The following PTPRG variants were observed in gnomAD, a reference collection of about 807,000 sequenced individuals.
PTPRG encodes the protein receptor-type tyrosine-protein phosphatase gamma.
Under a neutral mutation model 165.3 loss-of-function variants are expected in PTPRG, and 102 were observed. The ratio of observed to expected loss-of-function variants is 0.62; its 90% confidence interval spans 0.53 to 0.73. PTPRG has a LOEUF of 0.73. Ranked by LOEUF, PTPRG falls within the 30% of genes least tolerant of loss-of-function variation. The pLI is 0.00. For missense variants in PTPRG, 1,866 were observed against 1,861.4 expected (o/e 1.00, Z -0.05); for synonymous variants, 675 against 669.5 (o/e 1.01, Z -0.13).
At chr3:62,069,386 G>A (rs1193553164) in intron 4 of PTPRG, among the ~76,000 whole-genome samples, 1 of 152,058 alleles carries the variant, frequency 6.6e-6, no homozygotes, top group African/African-American at 2.4e-5. Context: ...ATATTTTTCT[G>A]TAAGCTGTAA....
At chr3:62,140,807 A>G (rs1411209503) in intron 6 of PTPRG, among the ~76,000 whole-genome samples, 2 of 146,122 alleles carry the variant, frequency 1.4e-5, no homozygotes, top group Non-Finnish European at 3.0e-5. Context: ...AGATTAAGCC[A>G]CTGCACTCCA....
chr3:61,795,693 T>C (rs993608378), intron 2 of PTPRG, among the ~76,000 whole-genome samples: 4 of 138,666 alleles, frequency 2.9e-5, no homozygotes, highest in East Asian at 2.1e-4. Flanking sequence ...ACCTTCACAG[T>C]GTTGAGAGAT....
intron 1 of PTPRG, among the ~76,000 whole-genome samples, chr3:61,583,599 C>T (rs1431624838): frequency 6.6e-6 from 1 of 152,142 alleles, no homozygotes; most frequent in Non-Finnish European, 1.5e-5. Context: ...GTATTGATCT[C>T]CTCTCCTCTC....
chr3:62,002,012 A>G (rs2041182446), intron 3 of PTPRG, among the ~76,000 whole-genome samples: 1 of 152,202 alleles, frequency 6.6e-6, no homozygotes, highest in African/African-American at 2.4e-5. Flanking sequence ...GGCACAAGAA[A>G]CACTTACTTT....
At chr3:61,702,150 T>A (rs2031001443) in intron 1 of PTPRG, among the ~76,000 whole-genome samples, 1 of 151,786 alleles carries the variant, frequency 6.6e-6, no homozygotes, top group Non-Finnish European at 1.5e-5. Context: ...GGATAATGTT[T>A]GTATTTTTAG....
chr3:61,616,420 T>G (rs1407202007), intron 1 of PTPRG, among the ~76,000 whole-genome samples: 1 of 152,182 alleles, frequency 6.6e-6, no homozygotes, highest in Admixed American at 6.5e-5. Context: ...CATGCTTTAT[T>G]TTAGTTTTCT....
intron 2 of PTPRG, among the ~76,000 whole-genome samples, chr3:61,855,066 C>T (rs1162550428): frequency 1.3e-5 from 2 of 152,124 alleles, no homozygotes; most frequent in Non-Finnish European, 2.9e-5. Context: ...AAGGTGAACG[C>T]AGTTACTGAG....
chr3:61,691,995 A>G (rs757005325), intron 1 of PTPRG, among the ~76,000 whole-genome samples: 2 of 152,254 alleles, frequency 1.3e-5, no homozygotes, highest in African/African-American at 4.8e-5. Flanking sequence ...TAAGGCAAGT[A>G]GAATGAAGAA....
chr3:61,865,380 G>A (rs2037377552), intron 2 of PTPRG, among the ~76,000 whole-genome samples: 1 of 152,156 alleles, frequency 6.6e-6, no homozygotes, highest in Non-Finnish European at 1.5e-5. Context: ...GGAATGTGTT[G>A]TTATTTTTTA....
intron 1 of PTPRG, among the ~76,000 whole-genome samples, chr3:61,660,696 G>C (rs905624288): frequency 6.6e-6 from 1 of 152,082 alleles, no homozygotes; most frequent in Non-Finnish European, 1.5e-5. Flanking sequence ...CAATGATAAT[G>C]ATGATTGGAT....
intron 2 of PTPRG, among the ~76,000 whole-genome samples, chr3:61,971,782 T>C (rs1008271311): frequency 6.6e-6 from 1 of 152,250 alleles, no homozygotes. Flanking sequence ...AATTGTACAA[T>C]TAAACTGGTT....
chr3:62,087,744 G>A (rs533013876), intron 5 of PTPRG, among the ~76,000 whole-genome samples: 1 of 152,186 alleles, frequency 6.6e-6, no homozygotes. Flanking sequence ...GTTGAAGAGG[G>A]TAGAGGGAGA....
chr3:62,249,380 AG>A (rs1310708443), intron 15 of PTPRG, among the ~76,000 whole-genome samples: 1 of 152,120 alleles, frequency 6.6e-6, no homozygotes, highest in African/African-American at 2.4e-5. Flanking sequence ...ACCTGCTAAC[AG>A]GCCAGTTGTT....
intron 1 of PTPRG, among the ~76,000 whole-genome samples, chr3:61,698,940 G>T (rs1341872805): frequency 2.0e-5 from 3 of 151,992 alleles, no homozygotes; most frequent in Non-Finnish European, 4.4e-5. Flanking sequence ...AACACTGCAT[G>T]CTCTCACTCA....
In PTPRG at chr3:61,829,457, C is replaced by G. The variant is rs879781763; in HGVS notation, c.190+80475C>G. Among the ~76,000 whole-genome samples the G allele has an allele frequency of 2.6e-5, 4 of 152,210 alleles. No individual in the cohort carries two copies. In the South Asian group the frequency reaches 6.2e-4, roughly 24 times the overall value. The stretch of plus-strand genomic sequence containing the variant: ...GCCATTTATCATGCCTCACTTAGCC[C>G]GATCACTGCCTTAAACGACACCACC... On this transcript the variant is annotated intron_variant, in intron 2 of 29. Coordinates refer to ENST00000474889, the MANE Select transcript of PTPRG (RefSeq NM_002841.4).
intron 4 of PTPRG, among the ~76,000 whole-genome samples, chr3:62,017,189 C>T (rs1161984911): frequency 6.6e-6 from 1 of 152,064 alleles, no homozygotes; most frequent in South Asian, 2.1e-4. Flanking sequence ...GTATTGTATT[C>T]TTATCTTGTG....
At chr3:61,941,248 G>A (rs1465229635) in intron 2 of PTPRG, among the ~76,000 whole-genome samples, 3 of 152,214 alleles carry the variant, frequency 2.0e-5, no homozygotes, top group African/African-American at 7.2e-5. Context: ...AAAGGGCTTC[G>A]CCCAGTGCCT....
At position 62,281,637 on chromosome 3, in the gene PTPRG, C is replaced by G; in HGVS notation, c.3840C>G (p.Ile1280Met). The change falls in exon 27 of 30, where the codon ATC becomes ATG. Residue 1280 changes from isoleucine (I) to methionine (M), a missense_variant. Ile to Met is a conservative substitution (Grantham distance 10). This residue lies in a region of PTPRG where 1,452 missense variants were observed against 1,463.0 expected (regional missense o/e 0.99). Transcript: ENST00000474889. ...MNCEAFTVTLISKDRLCLSNE... is the reference protein window; with the variant it reads ...MNCEAFTVTLMSKDRLCLSNE... ...GTGAGGCCTTTACCGTCACCCTTAT[C>G]AGCAAAGACAGACTGTGCCTCTCTA... 1 of 1,594,424 alleles carries G rather than the reference C, an allele frequency of 6.3e-7. No individual in the cohort carries two copies. The highest frequency in any genetic ancestry group is 8.5e-7 in the Non-Finnish European group (1 of 1,169,850).
intron 4 of PTPRG, among the ~76,000 whole-genome samples, chr3:62,024,624 C>T (rs1200534751): frequency 6.6e-6 from 1 of 152,176 alleles, no homozygotes; most frequent in East Asian, 1.9e-4. Context: ...ATTCCCTTCT[C>T]TGTAGAATAT....
Sources: gnomAD v4.1 joint callset for allele counts (sites outside exome capture counted in the v4.1 genomes callset) on GRCh38, gnomAD v4.1.1 for gene constraint, gnomAD v4.1.1 regional missense constraint, MANE v1.5 for transcripts, NCBI Gene and HGNC (gene_info 2026-07-23, HGNC 2026-07-21) for gene names.